The following ARHGAP44 variants were observed in gnomAD, a reference collection of about 807,000 sequenced individuals.
The protein encoded by ARHGAP44 is rho GTPase-activating protein 44.
Under a neutral mutation model 106.8 loss-of-function variants are expected in ARHGAP44, and 43 were observed. The observed-to-expected ratio is 0.40, with a 90% confidence interval of 0.32 to 0.52. The LOEUF is 0.52. Ranked by LOEUF, ARHGAP44 falls within the 20% of genes least tolerant of loss-of-function variation. ARHGAP44 has a pLI of 0.48. For missense variants in ARHGAP44, 866 were observed against 1,050.5 expected (o/e 0.82, Z 2.43); for synonymous variants, 439 against 410.3 (o/e 1.07, Z -0.85).
chr17:12,869,823 T>C (rs2036354854), intron 1 of ARHGAP44, among the ~76,000 whole-genome samples: 1 of 152,146 alleles, frequency 6.6e-6, no homozygotes, highest in Non-Finnish European at 1.5e-5. Context: ...TACTGTTTTA[T>C]AGCCTGCCCT....
At chr17:12,848,311 A>G (rs528516401) in intron 1 of ARHGAP44, among the ~76,000 whole-genome samples, 4 of 152,254 alleles carry the variant, frequency 2.6e-5, no homozygotes. Context: ...AAAAAATGCC[A>G]TCTCTCCTGG....
chr17:12,891,871 T>G (rs922336889), intron 1 of ARHGAP44, among the ~76,000 whole-genome samples: 4 of 151,428 alleles, frequency 2.6e-5, no homozygotes. Flanking sequence ...GTCGGCTCAC[T>G]GCAACCTCTG....
intron 18 of ARHGAP44, among the ~76,000 whole-genome samples, chr17:12,979,815 G>T (rs1300004542): frequency 6.6e-6 from 1 of 152,158 alleles, no homozygotes; most frequent in Non-Finnish European, 1.5e-5. Context: ...GCATGAAAAG[G>T]GCATTGGCAG....
At chr17:12,918,700 C>G (rs1399405648) in intron 5 of ARHGAP44, among the ~76,000 whole-genome samples, 1 of 152,204 alleles carries the variant, frequency 6.6e-6, no homozygotes, top group Non-Finnish European at 1.5e-5. Context: ...CCTCTCCACG[C>G]TCTTCCTCCT....
intron 1 of ARHGAP44, among the ~76,000 whole-genome samples, chr17:12,857,508 T>TA (rs1182403847): frequency 1.1e-4 from 16 of 152,200 alleles, no homozygotes; most frequent in Admixed American, 5.9e-4. Context: ...AGCCCCATCC[T>TA]GATGACCTTA....
chr17:12,931,546 G>T (rs1408107721), intron 7 of ARHGAP44, among the ~76,000 whole-genome samples: 2 of 151,654 alleles, frequency 1.3e-5, no homozygotes. Flanking sequence ...ACCCAGGCTG[G>T]AGTGCAGTGG....
intron 2 of ARHGAP44, 62 bp downstream of exon 2, chr17:12,895,041 G>A: frequency 6.6e-7 from 1 of 1,505,066 alleles, no homozygotes; most frequent in Non-Finnish European, 9.1e-7. Flanking sequence ...TGAGGCAGGA[G>A]AATTGCTTGA....
At chr17:12,932,053 G>A (rs1363297942) in intron 7 of ARHGAP44, among the ~76,000 whole-genome samples, 1 of 151,834 alleles carries the variant, frequency 6.6e-6, no homozygotes, top group Non-Finnish European at 1.5e-5. Context: ...ACATTTTTAG[G>A]TCAGAGTCTA....
At chr17:12,884,042 T>C (rs1415148963) in intron 1 of ARHGAP44, among the ~76,000 whole-genome samples, 1 of 152,170 alleles carries the variant, frequency 6.6e-6, no homozygotes, top group Non-Finnish European at 1.5e-5. Flanking sequence ...GCTGTCCTCT[T>C]TCTTTCATAA....
At chr17:12,891,080 CTAAG>C (rs2037030732) in intron 1 of ARHGAP44, among the ~76,000 whole-genome samples, 1 of 152,188 alleles carries the variant, frequency 6.6e-6, no homozygotes, top group African/African-American at 2.4e-5. Context: ...TCATTAATAT[CTAAG>C]TAACCTCTAA....
intron 16 of ARHGAP44, among the ~76,000 whole-genome samples, chr17:12,959,409 T>A (rs1044757944): frequency 6.6e-6 from 1 of 152,206 alleles, no homozygotes; most frequent in Non-Finnish European, 1.5e-5. Flanking sequence ...TTCCTATCTT[T>A]TATTATTAAC....
At chr17:12,915,093 C>T (rs768474320) in intron 4 of ARHGAP44, among the ~76,000 whole-genome samples, 27 of 152,340 alleles carry the variant, frequency 1.8e-4, no homozygotes, top group Non-Finnish European at 3.1e-4. Flanking sequence ...GGCTGGAGTG[C>T]AGTGGCACTA....
chr17:12,848,426 G>A (rs2035634808), intron 1 of ARHGAP44, among the ~76,000 whole-genome samples: 1 of 152,076 alleles, frequency 6.6e-6, no homozygotes, highest in African/African-American at 2.4e-5. Context: ...CACATTGTCA[G>A]CATCGACCCA....
chr17:12,972,063 G>A (rs772567284), intron 16 of ARHGAP44, among the ~76,000 whole-genome samples: 1 of 152,198 alleles, frequency 6.6e-6, no homozygotes, highest in African/African-American at 2.4e-5. Context: ...TGGTGTAATA[G>A]TTTTGTGCTT....
At chr17:12,953,909 C>G (rs1465150331) in intron 13 of ARHGAP44, among the ~76,000 whole-genome samples, 1 of 152,058 alleles carries the variant, frequency 6.6e-6, no homozygotes, top group African/African-American at 2.4e-5. Context: ...TTTCTTGAGA[C>G]AGAGTCTCAC....
chr17:12,924,520 A>G (rs951176689), intron 6 of ARHGAP44, among the ~76,000 whole-genome samples: 1 of 152,210 alleles, frequency 6.6e-6, no homozygotes, highest in Non-Finnish European at 1.5e-5. Flanking sequence ...GGACACATAC[A>G]CATTCCATTT....
intron 1 of ARHGAP44, among the ~76,000 whole-genome samples, chr17:12,877,189 A>G (rs1258961378): frequency 6.6e-6 from 1 of 152,246 alleles, no homozygotes; most frequent in Non-Finnish European, 1.5e-5. Flanking sequence ...GTTAAGATTT[A>G]CCCAGCAAAC....
chr17:12,845,505 T>G (rs2035540565), intron 1 of ARHGAP44, among the ~76,000 whole-genome samples: 3 of 84,092 alleles, frequency 3.6e-5, no homozygotes, highest in Admixed American at 3.2e-4. Context: ...AGACTCCGTC[T>G]CAAAAAAAAA....
intron 1 of ARHGAP44, among the ~76,000 whole-genome samples, chr17:12,854,207 A>G (rs1213028238): frequency 6.6e-6 from 1 of 152,158 alleles, no homozygotes; most frequent in Non-Finnish European, 1.5e-5. Flanking sequence ...TGCAGTTTCA[A>G]ACAGCTTCTG....
Sources: gnomAD v4.1 joint callset for allele counts (sites outside exome capture counted in the v4.1 genomes callset) on GRCh38, gnomAD v4.1.1 for gene constraint, MANE v1.5 for transcripts, NCBI Gene and HGNC (gene_info 2026-07-23, HGNC 2026-07-21) for gene names.